C8orf34: variants seen among roughly 807,000 people sequenced by gnomAD.
C8orf34 encodes the protein chromosome 8 open reading frame 34.
In C8orf34, 65 loss-of-function variants were observed where a neutral mutation model predicts 68.3. That is an observed-to-expected ratio of 0.95 (90% CI 0.78 to 1.17). The LOEUF (loss-of-function observed/expected upper bound fraction) is 1.17, where lower values mean the gene tolerates loss of function less well. Among genes scored for constraint, C8orf34 ranks in the 50% most tolerant of loss-of-function variants. C8orf34 has a pLI of 0.00. For missense variants in C8orf34, 664 were observed against 655.4 expected (o/e 1.01, Z -0.14); for synonymous variants, 244 against 241.2 (o/e 1.01, Z -0.11).
chr8:68,640,405 G>A lies in C8orf34; in HGVS notation c.1135G>A (p.Val379Ile). The A allele has an allele frequency of 3.1e-6, 5 of 1,613,768 alleles. No homozygotes were observed. The highest frequency in any genetic ancestry group is 4.2e-6 in the Non-Finnish European group (5 of 1,179,788). The change falls in exon 8 of 14, where the codon GTA becomes ATA. Residue 379 changes from valine (V) to isoleucine (I), a missense_variant. Physicochemically the swap from Val to Ile is conservative, Grantham distance 29. Transcript: ENST00000518698. ...TCTTAATGATTTAAGAATGGAGGGA[G>A]TAACAACCCTGGTACCTTCTGGGAG... ...EDLNDLRMEGVTTLVPSGSKF... is the reference protein window; with the variant it reads ...EDLNDLRMEGITTLVPSGSKF...
chr8:68,468,840 T>C lies in C8orf34; in HGVS notation c.736+20T>C, dbSNP rs1812259389. ...CTCGAAGTAAGTTCATTTACTTGATTATAATTGAAACTCCTAACCAATATT... is the reference window on the plus strand; with the variant it reads ...CTCGAAGTAAGTTCATTTACTTGATCATAATTGAAACTCCTAACCAATATT... On this transcript the variant is annotated intron_variant, in intron 4 of 13. Coordinates refer to ENST00000518698, the MANE Select transcript of C8orf34 (RefSeq NM_052958.4). 1.2e-6 allele frequency: 2 copies of C among 1,602,662 alleles called. No homozygotes were observed. The highest frequency in any genetic ancestry group is 1.7e-4 in the Middle Eastern group (1 of 5,980).
chr8:68,441,831 T>C (rs1441529096), intron 2 of C8orf34, among the ~76,000 whole-genome samples: 1 of 152,206 alleles, frequency 6.6e-6, no homozygotes, highest in Non-Finnish European at 1.5e-5. Context: ...GGAGTAGGGA[T>C]AATGTGGGAG....
chr8:68,382,780 C>T (rs900072529), intron 1 of C8orf34, among the ~76,000 whole-genome samples: 2 of 152,160 alleles, frequency 1.3e-5, no homozygotes, highest in African/African-American at 4.8e-5. Flanking sequence ...TTATTTTATA[C>T]TTTCCTTTAG....
intron 2 of C8orf34, among the ~76,000 whole-genome samples, chr8:68,441,652 C>T (rs567592677): frequency 9.2e-5 from 14 of 152,300 alleles, no homozygotes; most frequent in Admixed American, 2.6e-4. Flanking sequence ...TTGTGAATCA[C>T]CACGCCCTGC....
chr8:68,739,801 A>G (rs1274556158), intron 10 of C8orf34, among the ~76,000 whole-genome samples: 1 of 151,984 alleles, frequency 6.6e-6, no homozygotes, highest in Non-Finnish European at 1.5e-5. Flanking sequence ...TAAGAAACAA[A>G]CAAACAAACG....
chr8:68,332,184 G>C (rs777233641), intron 1 of C8orf34, among the ~76,000 whole-genome samples: 34 of 151,572 alleles, frequency 2.2e-4, no homozygotes, highest in Non-Finnish European at 4.9e-4. Flanking sequence ...ACAAGAGATT[G>C]AAGCCTGGCA....
At chr8:68,677,774 T>C (rs1332191083) in intron 8 of C8orf34, among the ~76,000 whole-genome samples, 1 of 151,800 alleles carries the variant, frequency 6.6e-6, no homozygotes, top group African/African-American at 2.4e-5. Flanking sequence ...AAGAAAATAA[T>C]ACAAAAGTTC....
chr8:68,388,472 T>C (rs1330860016), intron 1 of C8orf34, among the ~76,000 whole-genome samples: 1 of 152,116 alleles, frequency 6.6e-6, no homozygotes, highest in Non-Finnish European at 1.5e-5. Context: ...AAAATTTCTC[T>C]TCTATTAAAA....
intron 7 of C8orf34, among the ~76,000 whole-genome samples, chr8:68,606,310 A>AT (rs1447657423): frequency 6.6e-6 from 1 of 152,090 alleles, no homozygotes; most frequent in Non-Finnish European, 1.5e-5. Flanking sequence ...GTCTTACTTT[A>AT]TTTTACATCC....
intron 1 of C8orf34, among the ~76,000 whole-genome samples, chr8:68,334,472 G>T (rs1466538343): frequency 6.6e-6 from 1 of 151,380 alleles, no homozygotes; most frequent in African/African-American, 2.4e-5. Flanking sequence ...TATATTCCAT[G>T]TATGTTTGTG....
At chr8:68,790,150 G>A (rs74602184) in intron 12 of C8orf34, among the ~76,000 whole-genome samples, 6,338 of 152,288 alleles carry the variant, frequency 0.042, 383 homozygotes, top group African/African-American at 0.12. Flanking sequence ...ATACATTGGA[G>A]CCACTGAAGC....
chr8:68,667,897 C>G (rs1041503713), intron 8 of C8orf34, among the ~76,000 whole-genome samples: 3 of 152,078 alleles, frequency 2.0e-5, no homozygotes, highest in Non-Finnish European at 2.9e-5. Flanking sequence ...GAAGAGTTTT[C>G]ATAAAAATAT....
At chr8:68,359,332 G>A (rs1880535) in intron 1 of C8orf34, among the ~76,000 whole-genome samples, 96,931 of 152,074 alleles carry the variant, frequency 0.64, 32,088 homozygotes, top group African/African-American at 0.84. Flanking sequence ...TTGCTGCACT[G>A]TTGCTTTTAG....
rs993636114 is a variant in C8orf34 at position 68,366,629 on chromosome 8, G to A, written c.327+35290G>A. Among the ~76,000 whole-genome samples, 25 of 151,266 alleles carry A rather than the reference G, an allele frequency of 1.7e-4. 1 individual carries two copies. In the East Asian group the frequency reaches 4.9e-3, roughly 30 times the overall value. On this transcript the variant is annotated intron_variant, in intron 1 of 13. Transcript: ENST00000518698. The stretch of plus-strand genomic sequence containing the variant: ...ACTGTCTGATCTTTGATAAACCTGA[G>A]AAAAACAAGAAATGGGGAAAGGATT...
chr8:68,771,313 G>T (rs1277113765), intron 10 of C8orf34, among the ~76,000 whole-genome samples: 1 of 152,164 alleles, frequency 6.6e-6, no homozygotes, highest in Non-Finnish European at 1.5e-5. Flanking sequence ...AGTTCAGAAA[G>T]CTGAATTTCG....
chr8:68,372,034 AG>A (rs1351395105), intron 1 of C8orf34, among the ~76,000 whole-genome samples: 32 of 152,232 alleles, frequency 2.1e-4, no homozygotes, highest in African/African-American at 7.5e-4. Context: ...TTAATGAAGA[AG>A]CCTCTGCATG....
chr8:68,726,382 G>C (rs527510390), intron 10 of C8orf34, among the ~76,000 whole-genome samples: 1 of 152,278 alleles, frequency 6.6e-6, no homozygotes, highest in Non-Finnish European at 1.5e-5. Context: ...TGAGAAACCA[G>C]AGCAGTATGG....
intron 4 of C8orf34, among the ~76,000 whole-genome samples, chr8:68,480,838 G>A (rs1812827124): frequency 6.6e-6 from 1 of 151,894 alleles, no homozygotes; most frequent in African/African-American, 2.4e-5. Context: ...ACTGTTAAAG[G>A]CATTCTGTTT....
At chr8:68,427,012 G>A (rs997870137) in intron 1 of C8orf34, among the ~76,000 whole-genome samples, 1 of 152,118 alleles carries the variant, frequency 6.6e-6, no homozygotes, top group Non-Finnish European at 1.5e-5. Context: ...ATCCATTAGA[G>A]AAATGGAATT....
Sources: allele counts gnomAD v4.1 joint callset (sites outside exome capture counted in the v4.1 genomes callset), GRCh38; gene constraint gnomAD v4.1.1; transcripts MANE v1.5; gene names NCBI Gene and HGNC (gene_info 2026-07-23, HGNC 2026-07-21).